The following RSRC1 variants were observed in gnomAD, a reference collection of about 807,000 sequenced individuals.
RSRC1 encodes serine/Arginine-related protein 53.
In RSRC1, 39 loss-of-function variants were observed where a neutral mutation model predicts 49.1. The observed-to-expected ratio is 0.79, with a 90% CI of 0.61 to 1.04. The LOEUF (loss-of-function observed/expected upper bound fraction) is 1.04, where lower values mean the gene tolerates loss of function less well. Ranked by LOEUF, RSRC1 falls within the 50% of genes least tolerant of loss-of-function variation. The pLI is 0.00. For missense variants in RSRC1, 388 were observed against 402.4 expected (o/e 0.96, Z 0.31); for synonymous variants, 143 against 130.8 (o/e 1.09, Z -0.63).
At chr3:158,460,268 A>G (rs907226183) in intron 6 of RSRC1, among the ~76,000 whole-genome samples, 2 of 151,916 alleles carry the variant, frequency 1.3e-5, no homozygotes, top group Non-Finnish European at 2.9e-5. Flanking sequence ...ATGATGTGCT[A>G]GAACAGAAAT....
intron 7 of RSRC1, among the ~76,000 whole-genome samples, chr3:158,517,597 T>C (rs1015435529): frequency 4.1e-5 from 1 of 24,464 alleles, no homozygotes; most frequent in Admixed American, 3.7e-4. Flanking sequence ...TTTGTTAGAC[T>C]TTTTTTTTTT....
At chr3:158,257,744 G>A (rs1172734557) in intron 4 of RSRC1, among the ~76,000 whole-genome samples, 1 of 151,904 alleles carries the variant, frequency 6.6e-6, no homozygotes, top group East Asian at 1.9e-4. Context: ...CTTTCTTTTA[G>A]CAAAGATGAT....
At chr3:158,443,204 G>A (rs1317839646) in intron 6 of RSRC1, among the ~76,000 whole-genome samples, 2 of 152,126 alleles carry the variant, frequency 1.3e-5, no homozygotes, top group East Asian at 3.9e-4. Flanking sequence ...ACGAGAGTCA[G>A]CTTGTCCTTT....
intron 4 of RSRC1, among the ~76,000 whole-genome samples, chr3:158,254,996 A>C (rs968081687): frequency 1.2e-4 from 18 of 151,970 alleles, no homozygotes; most frequent in Non-Finnish European, 2.4e-4. Context: ...AGATTGCAAA[A>C]ATTTTCTCCC....
intron 3 of RSRC1, among the ~76,000 whole-genome samples, chr3:158,186,121 A>T (rs1195427893): frequency 6.6e-6 from 1 of 151,928 alleles, no homozygotes. Context: ...AACAGTTCCC[A>T]TTCAAACAAT....
intron 7 of RSRC1, among the ~76,000 whole-genome samples, chr3:158,515,670 C>T (rs1229407727): frequency 7.1e-6 from 1 of 140,256 alleles, no homozygotes; most frequent in Non-Finnish European, 1.5e-5. Context: ...GGGAAGTTCT[C>T]CTGGATAATA....
chr3:158,380,880 T>C (rs1732661971), intron 6 of RSRC1, among the ~76,000 whole-genome samples: 1 of 152,222 alleles, frequency 6.6e-6, no homozygotes, highest in Non-Finnish European at 1.5e-5. Context: ...GACTAAATAT[T>C]ACTGTGTTCT....
chr3:158,498,232 C>CTTT (rs56014045), intron 7 of RSRC1, among the ~76,000 whole-genome samples: 2 of 142,756 alleles, frequency 1.4e-5, no homozygotes, highest in Admixed American at 7.0e-5. Context: ...ATGCCAACAT[C>CTTT]TTTTTTTTTT....
At chr3:158,233,511 T>A (rs1723079284) in intron 4 of RSRC1, among the ~76,000 whole-genome samples, 1 of 152,152 alleles carries the variant, frequency 6.6e-6, no homozygotes, top group African/African-American at 2.4e-5. Context: ...TTGTGTAGTA[T>A]CAAAGTGAAA....
intron 7 of RSRC1, among the ~76,000 whole-genome samples, chr3:158,477,424 C>A (rs556286107): frequency 6.6e-6 from 1 of 152,218 alleles, no homozygotes; most frequent in South Asian, 2.1e-4. Flanking sequence ...CCTTCAGTGA[C>A]CACCACCTTG....
At chr3:158,372,317 A>G (rs1732124757) in intron 6 of RSRC1, among the ~76,000 whole-genome samples, 1 of 151,904 alleles carries the variant, frequency 6.6e-6, no homozygotes, top group South Asian at 2.1e-4. Context: ...CCCATTTAAA[A>G]TTAATGTTTA....
At chr3:158,164,052 T>A (rs1315897466) in intron 3 of RSRC1, among the ~76,000 whole-genome samples, 1 of 152,180 alleles carries the variant, frequency 6.6e-6, no homozygotes, top group African/African-American at 2.4e-5. Context: ...GTAAAGTATA[T>A]TTTAAAAGTC....
chr3:158,515,700 A>G (rs1195516083), intron 7 of RSRC1, among the ~76,000 whole-genome samples: 40 of 146,302 alleles, frequency 2.7e-4, no homozygotes, highest in Admixed American at 9.6e-4. Flanking sequence ...GTGTTTTCCA[A>G]CTTGGTTCCA....
intron 7 of RSRC1, among the ~76,000 whole-genome samples, chr3:158,535,776 A>C (rs1451935419): frequency 6.6e-6 from 1 of 151,522 alleles, no homozygotes; most frequent in African/African-American, 2.4e-5. Flanking sequence ...ACTAAAGTAC[A>C]TTAAATAAAC....
chr3:158,356,547 C>T (rs1477045098), intron 6 of RSRC1, among the ~76,000 whole-genome samples: 1 of 146,692 alleles, frequency 6.8e-6, no homozygotes. Context: ...ATGTTTTTAT[C>T]TTATTTATCT....
chr3:158,277,006 G>A (rs143476839), intron 4 of RSRC1, among the ~76,000 whole-genome samples: 310 of 152,110 alleles, frequency 2.0e-3, no homozygotes, highest in African/African-American at 7.3e-3. Flanking sequence ...TTCAGCAAAG[G>A]GCTAAACAGT....
chr3:158,243,836 T>C (rs1723731791), intron 4 of RSRC1, among the ~76,000 whole-genome samples: 2 of 152,326 alleles, frequency 1.3e-5, no homozygotes, highest in South Asian at 4.1e-4. Context: ...GATTTGGCTC[T>C]TGGCTTGCCT....
intron 6 of RSRC1, among the ~76,000 whole-genome samples, chr3:158,425,855 A>G (rs759527907): frequency 3.3e-5 from 5 of 151,828 alleles, no homozygotes; most frequent in Admixed American, 6.6e-5. Context: ...GCCAAGTTTA[A>G]TCAAGACAAC....
chr3:158,377,952 C>T (rs957780146), intron 6 of RSRC1, among the ~76,000 whole-genome samples: 4 of 152,234 alleles, frequency 2.6e-5, no homozygotes, highest in East Asian at 3.9e-4. Flanking sequence ...TAAGCCACCG[C>T]GCCCTGCCCC....
Sources: allele counts gnomAD v4.1 joint callset (sites outside exome capture counted in the v4.1 genomes callset), GRCh38; gene constraint gnomAD v4.1.1; transcripts MANE v1.5; gene names NCBI Gene and HGNC (gene_info 2026-07-23, HGNC 2026-07-21).